MAN1A2: variants seen among roughly 807,000 people sequenced by gnomAD.
The protein encoded by MAN1A2 is mannosidase alpha class 1A member 2.
MAN1A2 carries 26 observed loss-of-function variants against 75.7 expected under a neutral mutation model. That is an observed-to-expected ratio of 0.34 (90% CI 0.25 to 0.48). The LOEUF is 0.48. MAN1A2 is among the 20% of genes least tolerant of loss of function. MAN1A2 has a pLI of 0.99. For missense variants in MAN1A2, 562 were observed against 775.5 expected (o/e 0.72, Z 3.27); for synonymous variants, 247 against 264.6 (o/e 0.93, Z 0.65).
intron 1 of MAN1A2, among the ~76,000 whole-genome samples, chr1:117,390,841 A>G (rs1464308290): frequency 6.6e-6 from 1 of 151,914 alleles, no homozygotes; most frequent in East Asian, 1.9e-4. Context: ...AGCTTTATCT[A>G]CAGTTTGATG....
In MAN1A2 at chr1:117,368,287, A is replaced by G; in HGVS notation, c.104A>G (p.Glu35Gly). 2 of 1,614,128 alleles carry G rather than the reference A, an allele frequency of 1.2e-6. No individual in the cohort carries two copies. The change falls in exon 1 of 13, where the codon GAG (glutamate) becomes GGG (glycine). Residue 35 changes from glutamate (E) to glycine (G), a missense_variant. By Grantham distance (98) the Glu-to-Gly change is moderately conservative. Transcript: ENST00000356554. The stretch of plus-strand genomic sequence containing the variant: ...CACAGGGCTACCTTGAGACTTTCTG[A>G]GAAGTTTATTCTTCTCCTTATTCTT... ...PHHRATLRLS[E>G]KFILLLILSA...
At chr1:117,425,348 CTA>C (rs1357726979) in intron 5 of MAN1A2, among the ~76,000 whole-genome samples, 3 of 152,158 alleles carry the variant, frequency 2.0e-5, no homozygotes, top group African/African-American at 7.2e-5. Context: ...TCAGCTCATT[CTA>C]TGAGGCCAGC....
rs943157498 is a variant in MAN1A2 at position 117,523,571 on chromosome 1, G to C, written c.*614G>C. On this transcript the variant is annotated 3_prime_UTR_variant, in exon 13 of 13. Coordinates refer to ENST00000356554, the MANE Select transcript of MAN1A2 (RefSeq NM_006699.5). ...AGACTGGCAACCATTTCAAATCCCA[G>C]TCTATTTCATTGAAATTTCTTGGTT... 3 of 162,930 alleles carry C rather than the reference G, an allele frequency of 1.8e-5. No homozygotes were observed. The highest frequency in any genetic ancestry group is 7.2e-5 in the African/African-American group (3 of 41,450). 10.1% of individuals were successfully genotyped at this position (162,930 alleles called of 1,614,324 possible).
chr1:117,492,332 C>A (rs985814276), intron 8 of MAN1A2, among the ~76,000 whole-genome samples: 2 of 152,066 alleles, frequency 1.3e-5, no homozygotes, highest in Non-Finnish European at 2.9e-5. Flanking sequence ...CAAGGCAAGA[C>A]CCTCCACCAT....
chr1:117,458,523 A>ATATATTTTT (rs1553236643), intron 6 of MAN1A2, among the ~76,000 whole-genome samples: 3 of 105,610 alleles, frequency 2.8e-5, no homozygotes, highest in African/African-American at 1.0e-4. Flanking sequence ...ATATATATAT[A>ATATATTTTT]TTTTTTTTTT....
At chr1:117,414,223 T>C (rs2101770595) in intron 3 of MAN1A2, among the ~76,000 whole-genome samples, 1 of 151,750 alleles carries the variant, frequency 6.6e-6, no homozygotes, top group East Asian at 1.9e-4. Flanking sequence ...TCCAGCCCTG[T>C]TGTACATTTA....
intron 1 of MAN1A2, among the ~76,000 whole-genome samples, chr1:117,399,497 CTG>C (rs1337972132): frequency 6.6e-6 from 1 of 152,156 alleles, no homozygotes; most frequent in African/African-American, 2.4e-5. Flanking sequence ...TTTTCTGAAT[CTG>C]TGTGCCTGCT....
chr1:117,477,081 A>C (rs1650337527), intron 8 of MAN1A2, among the ~76,000 whole-genome samples: 1 of 151,884 alleles, frequency 6.6e-6, no homozygotes, highest in Non-Finnish European at 1.5e-5. Flanking sequence ...CCAAGACTAA[A>C]CTAGGAAGAA....
At chr1:117,496,657 T>C in intron 9 of MAN1A2, 106 bp from the exon 10 acceptor site, 2 of 785,950 alleles carry the variant, frequency 2.5e-6, no homozygotes. Flanking sequence ...GTTACTACTT[T>C]ATAGACTATC....
At chr1:117,472,327 G>GTA (rs1305540597) in intron 8 of MAN1A2, among the ~76,000 whole-genome samples, 1 of 151,722 alleles carries the variant, frequency 6.6e-6, no homozygotes, top group Non-Finnish European at 1.5e-5. Context: ...AAATATTAGG[G>GTA]TATATATATA....
At chr1:117,410,237 T>G (rs975479884) in intron 3 of MAN1A2, among the ~76,000 whole-genome samples, 1 of 151,998 alleles carries the variant, frequency 6.6e-6, no homozygotes, top group Non-Finnish European at 1.5e-5. Context: ...ACATTATGAC[T>G]AAGTGGAATT....
At chr1:117,454,922 T>TA (rs1649532095) in intron 6 of MAN1A2, among the ~76,000 whole-genome samples, 1 of 151,538 alleles carries the variant, frequency 6.6e-6, no homozygotes, top group Non-Finnish European at 1.5e-5. Flanking sequence ...AGAGCAGTCA[T>TA]AAAAAAATAA....
intron 4 of MAN1A2, among the ~76,000 whole-genome samples, chr1:117,417,858 T>G (rs1024722070): frequency 6.6e-6 from 1 of 151,048 alleles, no homozygotes; most frequent in African/African-American, 2.4e-5. Context: ...CTTTGGGAGG[T>G]TGAGGCAGGA....
chr1:117,473,583 T>C (rs1033327670), intron 8 of MAN1A2, among the ~76,000 whole-genome samples: 3 of 152,020 alleles, frequency 2.0e-5, no homozygotes, highest in Non-Finnish European at 4.4e-5. Flanking sequence ...TTTATTCTTC[T>C]CCAACTACAT....
At chr1:117,390,583 C>T (rs1318187758) in intron 1 of MAN1A2, among the ~76,000 whole-genome samples, 3 of 151,322 alleles carry the variant, frequency 2.0e-5, no homozygotes, top group Non-Finnish European at 3.0e-5. Flanking sequence ...ATTGGTTTTT[C>T]TCTGTTCTTT....
At chr1:117,478,869 A>G (rs78727792) in intron 8 of MAN1A2, among the ~76,000 whole-genome samples, 2,605 of 151,776 alleles carry the variant, frequency 0.017, 81 homozygotes, top group African/African-American at 0.059. Flanking sequence ...TTCTTTCTCA[A>G]TAGTTGTTTT....
At chr1:117,433,870 C>T (rs180780386) in intron 5 of MAN1A2, among the ~76,000 whole-genome samples, 7 of 152,280 alleles carry the variant, frequency 4.6e-5, no homozygotes, top group Admixed American at 4.6e-4. Context: ...CTCTAACTTC[C>T]CCTTACCTAA....
At chr1:117,510,590 A>G (rs1201314905) in intron 12 of MAN1A2, among the ~76,000 whole-genome samples, 6 of 152,052 alleles carry the variant, frequency 3.9e-5, no homozygotes, top group Non-Finnish European at 8.8e-5. Flanking sequence ...TGCTTTCTGG[A>G]ATCCTTAATT....
rs1453681390 is a variant in MAN1A2 at position 117,444,685 on chromosome 1, C to T, written c.950+2360C>T. Among the ~76,000 whole-genome samples the T allele has an allele frequency of 2.0e-5, 3 of 151,898 alleles. No homozygotes were observed. In the South Asian group the frequency reaches 6.2e-4, roughly 31 times the overall value. ...GTAGATTTGCTTTTTGGTGAATTGT[C>T]TATTCCTAAGTCTTGCTTGAGTTCT... On this transcript the variant is annotated intron_variant, in intron 6 of 12. Transcript: ENST00000356554.
Sources: gnomAD v4.1 joint callset for allele counts (sites outside exome capture counted in the v4.1 genomes callset) on GRCh38, gnomAD v4.1.1 for gene constraint, MANE v1.5 for transcripts, NCBI Gene and HGNC (gene_info 2026-07-23, HGNC 2026-07-21) for gene names.